Variants in AGMO observed in about 807,000 individuals in gnomAD.
AGMO encodes alkylglycerol monooxygenase.
In AGMO, 75 loss-of-function variants were observed where a neutral mutation model predicts 60.2. That is an observed-to-expected ratio of 1.25 (90% confidence interval 1.03 to 1.51). AGMO has a LOEUF of 1.51. Ranked by LOEUF, AGMO falls within the 40% of genes most tolerant of loss-of-function variation. The pLI is 0.00. For missense variants in AGMO, 763 were observed against 525.5 expected (o/e 1.45, Z -4.42); for synonymous variants, 261 against 177.1 (o/e 1.47, Z -3.76).
At chr7:15,277,742 T>C (rs1296529697) in intron 12 of AGMO, among the ~76,000 whole-genome samples, 2 of 152,196 alleles carry the variant, frequency 1.3e-5, no homozygotes, top group African/African-American at 4.8e-5. Flanking sequence ...GTACTTGATC[T>C]TTGTTTACCA....
At chr7:15,501,264 C>G (rs1214424940) in intron 3 of AGMO, among the ~76,000 whole-genome samples, 1 of 151,844 alleles carries the variant, frequency 6.6e-6, no homozygotes, top group Non-Finnish European at 1.5e-5. Flanking sequence ...CATTATCTGT[C>G]TAATGCTGTC....
At chr7:15,488,023 G>T (rs1190720914) in intron 3 of AGMO, among the ~76,000 whole-genome samples, 1 of 151,894 alleles carries the variant, frequency 6.6e-6, no homozygotes, top group African/African-American at 2.4e-5. Flanking sequence ...AATTTTCCCC[G>T]AGATCTGTTT....
chr7:15,342,409 A>C (rs1781884401), intron 12 of AGMO, among the ~76,000 whole-genome samples: 2 of 152,032 alleles, frequency 1.3e-5, no homozygotes, highest in South Asian at 4.1e-4. Flanking sequence ...TCTCTACCTA[A>C]GCAAAGTATG....
At chr7:15,407,034 TAC>T (rs1271508757) in intron 5 of AGMO, among the ~76,000 whole-genome samples, 4 of 144,932 alleles carry the variant, frequency 2.8e-5, no homozygotes, top group African/African-American at 5.1e-5. Context: ...TATATGTATA[TAC>T]ACACATATAT....
At chr7:15,535,672 T>G (rs1049111547) in intron 3 of AGMO, among the ~76,000 whole-genome samples, 1 of 151,964 alleles carries the variant, frequency 6.6e-6, no homozygotes, top group Non-Finnish European at 1.5e-5. Flanking sequence ...GGGTACATAC[T>G]AGGTGTATAT....
the AGMO span, among the ~76,000 whole-genome samples, chr7:15,120,691 T>C: frequency 6.6e-6 from 1 of 152,108 alleles, no homozygotes; most frequent in African/African-American, 2.4e-5. Context: ...AATACATGGC[T>C]GTTGTTGAAG....
At chr7:15,170,402 T>C in the AGMO span, among the ~76,000 whole-genome samples, 1 of 152,116 alleles carries the variant, frequency 6.6e-6, no homozygotes. Context: ...ATAATTAACA[T>C]AGAAAAATAT....
intron 12 of AGMO, among the ~76,000 whole-genome samples, chr7:15,356,154 G>T (rs1364963784): frequency 6.6e-6 from 1 of 152,148 alleles, no homozygotes; most frequent in African/African-American, 2.4e-5. Context: ...ATCAGCTAAA[G>T]AATTTAAACA....
intron 2 of AGMO, among the ~76,000 whole-genome samples, chr7:15,546,404 T>C (rs1409190470): frequency 6.6e-6 from 1 of 152,218 alleles, no homozygotes; most frequent in Non-Finnish European, 1.5e-5. Context: ...ACTCATCCTG[T>C]ACCCATACCA....
rs150234360 is a variant in AGMO, at chr7:15,350,417, A to C, written c.1263+15097T>G. ...TGTCCTTGGAGTATGTAAGCATGAG[A>C]GATGATGATGCCACTTAAATAGCAA... On this transcript the variant is annotated intron_variant, in intron 12 of 12. Transcript: ENST00000342526. Among the ~76,000 whole-genome samples the C allele has an allele frequency of 4.9e-3, 752 of 152,288 alleles. 10 individuals are homozygous for C. Among genetic ancestry groups the C allele is most frequent in the African/African-American group, 0.017 (707 of 41,576 alleles).
In AGMO at chr7:15,201,188, C is replaced by A; in HGVS notation, c.*97G>T. The A allele has an allele frequency of 1.5e-6, 1 of 662,852 alleles. No homozygotes were observed. Among genetic ancestry groups the A allele is most frequent in the Non-Finnish European group, 2.4e-6 (1 of 415,242 alleles). 41.1% of individuals were successfully genotyped at this position (662,852 alleles called of 1,614,324 possible). On this transcript the variant is annotated 3_prime_UTR_variant, in exon 13 of 13. Transcript: ENST00000342526. ...TTTACTTTTCATTGAAGAAATAGTT[C>A]ATATAAGCATTACATAAAATAATTA...
intron 12 of AGMO, among the ~76,000 whole-genome samples, chr7:15,243,426 T>C (rs1782650167): frequency 6.6e-6 from 1 of 152,178 alleles, no homozygotes; most frequent in African/African-American, 2.4e-5. Flanking sequence ...AAAAGTTAAA[T>C]CAATCCAGAT....
chr7:15,409,649 A>G lies in AGMO; in HGVS notation c.609+8909T>C, dbSNP rs1338793119. On this transcript the variant is annotated intron_variant, in intron 5 of 12. Coordinates refer to ENST00000342526, the MANE Select transcript of AGMO (RefSeq NM_001004320.2). ...CTTTACAACCTGTAAAACTTTAATT[A>G]TCCTTCAGAGATTCAAATTATTTTG... Among the ~76,000 whole-genome samples, 3 of 151,954 alleles carry G rather than the reference A, an allele frequency of 2.0e-5. No individual in the cohort carries two copies. In the East Asian group the frequency reaches 5.8e-4, roughly 29 times the overall value.
At chr7:15,262,366 C>T (rs931435320) in intron 12 of AGMO, among the ~76,000 whole-genome samples, 3 of 151,964 alleles carry the variant, frequency 2.0e-5, no homozygotes, top group African/African-American at 7.2e-5. Flanking sequence ...ATAACTCAAC[C>T]CCATTTACAA....
At chr7:15,203,347 C>T (rs1435156137) in intron 12 of AGMO, among the ~76,000 whole-genome samples, 1 of 152,064 alleles carries the variant, frequency 6.6e-6, no homozygotes. Flanking sequence ...ATCTTTCCAC[C>T]TTTGAAACTG....
At chr7:15,427,079 T>TGAA (rs541298300) in intron 4 of AGMO, among the ~76,000 whole-genome samples, 99 of 152,182 alleles carry the variant, frequency 6.5e-4, no homozygotes, top group African/African-American at 2.3e-3. Flanking sequence ...AATGAAAAAA[T>TGAA]GAAGAGTTTC....
At chr7:15,300,713 C>T (rs1227621814) in intron 12 of AGMO, among the ~76,000 whole-genome samples, 2 of 152,126 alleles carry the variant, frequency 1.3e-5, no homozygotes, top group Admixed American at 1.3e-4. Flanking sequence ...CGCTAACTGG[C>T]ATGAGAAAGA....
rs147363841 is a variant in AGMO at position 15,279,959 on chromosome 7, G to A, written c.1264-78600C>T. Among the ~76,000 whole-genome samples the A allele has an allele frequency of 5.6e-3, 855 of 152,308 alleles. 11 individuals are homozygous for A. Among genetic ancestry groups the A allele is most frequent in the African/African-American group, 0.019 (799 of 41,562 alleles). On this transcript the variant is annotated intron_variant, in intron 12 of 12. Transcript: ENST00000342526. ...TTATTCCTGATCCTGCCTCACAGGG[G>A]CCTTGAAGAAGTCTGCCAGCTAAAT... is the stretch of plus-strand genomic sequence containing the variant.
At chr7:15,386,670 G>A (rs1341849147) in intron 9 of AGMO, among the ~76,000 whole-genome samples, 1 of 152,038 alleles carries the variant, frequency 6.6e-6, no homozygotes. Flanking sequence ...AAACATCACA[G>A]GCTAACTTTT....
Sources: allele counts gnomAD v4.1 joint callset (sites outside exome capture counted in the v4.1 genomes callset), GRCh38; gene constraint gnomAD v4.1.1; transcripts MANE v1.5; gene names NCBI Gene and HGNC (gene_info 2026-07-23, HGNC 2026-07-21).